SLC25A48: variants seen among roughly 807,000 people sequenced by gnomAD.
The protein encoded by SLC25A48 is solute carrier family 25 member 48.
Under a neutral mutation model 32.2 loss-of-function variants are expected in SLC25A48, and 29 were observed. The ratio of observed to expected loss-of-function variants is 0.90; its 90% CI spans 0.67 to 1.23. SLC25A48 has a LOEUF of 1.23. Among genes scored for constraint, SLC25A48 ranks in the 50% most tolerant of loss-of-function variants. SLC25A48 has a pLI of 0.00. For missense variants in SLC25A48, 399 were observed against 422.7 expected, an observed-to-expected ratio of 0.94 and a Z score of 0.49; for synonymous variants, 164 against 172.3, an observed-to-expected ratio of 0.95 and a Z score of 0.38.
In SLC25A48 at chr5:135,728,255, C is replaced by CA. The variant is rs10578008; in HGVS notation, c.-520-84251dup. Among the ~76,000 whole-genome samples, 495 of 131,278 alleles carry CA rather than the reference C, an allele frequency of 3.8e-3. 5 individuals are homozygous for CA. The highest frequency in any genetic ancestry group is 0.014 in the South Asian group (58 of 4,026). 86.1% of individuals were successfully genotyped at this position (131,278 alleles called of 152,430 possible). On this transcript the variant is annotated intron_variant, in intron 3 of 10. Coordinates refer to the SLC25A48 transcript ENST00000646290. ...TGGGTGACAGATCGAGACTCTGTCT[C>CA]AAAAAAAAAAAAAAAAATGTGGCTT...
chr5:135,695,936 C>G (rs1754256971), intron 3 of SLC25A48, among the ~76,000 whole-genome samples: 2 of 152,204 alleles, frequency 1.3e-5, no homozygotes, highest in Admixed American at 1.3e-4. Context: ...CCCTTCACAG[C>G]TGAGACAGCC....
At chr5:135,803,812 C>T (rs1757393731) in intron 3 of SLC25A48, among the ~76,000 whole-genome samples, 1 of 151,564 alleles carries the variant, frequency 6.6e-6, no homozygotes, top group African/African-American at 2.4e-5. Flanking sequence ...TATTACTCCT[C>T]ATATAACAGT....
chr5:135,836,448 T>C (rs1269905264), intron 1 of SLC25A48, among the ~76,000 whole-genome samples: 1 of 152,158 alleles, frequency 6.6e-6, no homozygotes, highest in African/African-American at 2.4e-5. Context: ...AAGTGCTATA[T>C]GTATTCTTTT....
intron 4 of SLC25A48, among the ~76,000 whole-genome samples, chr5:135,822,844 G>T (rs62364729): frequency 1.5e-4 from 23 of 152,054 alleles, no homozygotes; most frequent in Non-Finnish European, 2.9e-4. Flanking sequence ...GGTTGGAAAG[G>T]CAAGTCTATC....
chr5:135,611,524 AAAAG>A (rs1752067953), intron 1 of SLC25A48, among the ~76,000 whole-genome samples: 2 of 141,692 alleles, frequency 1.4e-5, no homozygotes, highest in Non-Finnish European at 3.0e-5. Flanking sequence ...AAAAAAAAAA[AAAAG>A]AAAAAGAAAA....
chr5:135,788,881 T>C (rs150715718), intron 3 of SLC25A48, among the ~76,000 whole-genome samples: 1,855 of 150,188 alleles, frequency 0.012, 36 homozygotes, highest in African/African-American at 0.042. Context: ...TTACTCCCCA[T>C]GTGTCGGGGG....
intron 3 of SLC25A48, among the ~76,000 whole-genome samples, chr5:135,797,776 A>T (rs1267784575): frequency 6.6e-6 from 1 of 151,806 alleles, no homozygotes; most frequent in African/African-American, 2.4e-5. Context: ...TATAACTCTC[A>T]ATATCTCAGG....
chr5:135,732,829 GC>G (rs1212125534), intron 3 of SLC25A48, among the ~76,000 whole-genome samples: 7 of 152,170 alleles, frequency 4.6e-5, no homozygotes, highest in Admixed American at 4.6e-4. Context: ...GAGAAAAACT[GC>G]CGTGAGGGAT....
chr5:135,798,846 A>G (rs960684366), intron 3 of SLC25A48, among the ~76,000 whole-genome samples: 40 of 151,556 alleles, frequency 2.6e-4, no homozygotes, highest in African/African-American at 9.7e-4. Context: ...ATATTGTAGA[A>G]GTTGTACACT....
intron 1 of SLC25A48, among the ~76,000 whole-genome samples, chr5:135,624,871 G>A (rs989725521): frequency 2.0e-5 from 3 of 152,154 alleles, no homozygotes; most frequent in Non-Finnish European, 4.4e-5. Flanking sequence ...GAACACTGTC[G>A]ATCCCAATCT....
intron 3 of SLC25A48, among the ~76,000 whole-genome samples, chr5:135,714,998 G>C (rs1320907104): frequency 1.3e-5 from 2 of 152,220 alleles, no homozygotes; most frequent in Non-Finnish European, 2.9e-5. Flanking sequence ...TAACAAAGGG[G>C]AGTCTCTGGA....
At chr5:135,728,145 A>G (rs1755133433) in intron 3 of SLC25A48, among the ~76,000 whole-genome samples, 1 of 151,520 alleles carries the variant, frequency 6.6e-6, no homozygotes, top group African/African-American at 2.4e-5. Flanking sequence ...AGTCCTAGCT[A>G]CTCAGGAGGC....
rs139100667 is a variant in SLC25A48 at position 135,777,297 on chromosome 5, G to A, written c.-520-35226G>A. 3.1e-4 allele frequency among the ~76,000 whole-genome samples: 47 copies of A among 151,782 alleles called. No individual in the cohort carries two copies. The East Asian group carries it at 4.1e-3, about 13-fold the overall frequency. ...GTAGATGATATTAACTTCCAATATC[G>A]TAAAGGGTTTACAGCCCCACCCCCC... On this transcript the variant is annotated intron_variant, in intron 3 of 10. Transcript: ENST00000646290.
intron 3 of SLC25A48, among the ~76,000 whole-genome samples, chr5:135,640,377 C>G (rs1017642018): frequency 2.6e-5 from 4 of 152,102 alleles, no homozygotes; most frequent in African/African-American, 9.7e-5. Flanking sequence ...TCAAAATTTC[C>G]CAAATTTTTT....
At chr5:135,708,093 C>T (rs911551808) in intron 3 of SLC25A48, among the ~76,000 whole-genome samples, 5 of 152,148 alleles carry the variant, frequency 3.3e-5, no homozygotes, top group African/African-American at 7.2e-5. Flanking sequence ...GACATGCACC[C>T]GCCAGCCTTC....
chr5:135,748,838 C>T (rs1047069848), intron 3 of SLC25A48, among the ~76,000 whole-genome samples: 17 of 151,906 alleles, frequency 1.1e-4, no homozygotes, highest in African/African-American at 4.1e-4. Flanking sequence ...CCTGCCTCAG[C>T]TTCCTGAGTA....
intron 3 of SLC25A48, among the ~76,000 whole-genome samples, chr5:135,734,462 C>T (rs891630556): frequency 2.0e-5 from 3 of 152,010 alleles, no homozygotes; most frequent in African/African-American, 7.3e-5. Flanking sequence ...ATACCCGCAA[C>T]AGTTATGGAG....
At chr5:135,839,758 C>A (rs947630520) in intron 1 of SLC25A48, among the ~76,000 whole-genome samples, 1 of 152,098 alleles carries the variant, frequency 6.6e-6, no homozygotes, top group Admixed American at 6.5e-5. Flanking sequence ...ATGGGAAAGA[C>A]CCAGTGGGAG....
In SLC25A48 at chr5:135,836,352, A is replaced by C. The variant is rs2126680703; in HGVS notation, c.46+1459A>C. ...CAATTACTTTTGCACCAAACTAATA[A>C]CATGGCTTTTTTTTTTTTTGGCTTC... On this transcript the variant is annotated intron_variant, in intron 1 of 7. Coordinates refer to ENST00000681962, the MANE Select transcript of SLC25A48 (RefSeq NM_001349336.2). 4.0e-5 allele frequency among the ~76,000 whole-genome samples: 4 copies of C among 101,144 alleles called. 1 individual carries two copies. The South Asian group carries it at 1.7e-3, about 42-fold the overall frequency. The allele number at this position is 101,144 out of a possible 152,430, so 66.4% of individuals were successfully genotyped here.
Sources: gnomAD v4.1 joint callset for allele counts (sites outside exome capture counted in the v4.1 genomes callset) on GRCh38, gnomAD v4.1.1 for gene constraint, MANE v1.5 for transcripts, NCBI Gene and HGNC (gene_info 2026-07-23, HGNC 2026-07-21) for gene names.